The following LTBP1 variants were observed in gnomAD, a reference collection of about 807,000 sequenced individuals.
The protein encoded by LTBP1 is latent transforming growth factor beta binding protein 1.
A neutral mutation model predicts 207.6 loss-of-function variants in LTBP1; 129 were observed. That is an observed-to-expected ratio of 0.62 (90% confidence interval 0.54 to 0.72). The LOEUF is 0.72. LTBP1 is among the 30% of genes least tolerant of loss of function. The pLI is 0.00. For missense variants in LTBP1, 2,281 were observed against 2,217.2 expected (o/e 1.03, Z -0.58); for synonymous variants, 963 against 833.7 (o/e 1.16, Z -2.67).
intron 3 of LTBP1, among the ~76,000 whole-genome samples, chr2:33,053,217 T>C (rs902422812): frequency 6.6e-6 from 1 of 152,096 alleles, no homozygotes; most frequent in Non-Finnish European, 1.5e-5. Context: ...ACAGCAAAAT[T>C]GGAGAGGAAG....
intron 5 of LTBP1, among the ~76,000 whole-genome samples, chr2:33,154,860 C>T (rs958677078): frequency 3.3e-5 from 5 of 151,984 alleles, no homozygotes; most frequent in African/African-American, 7.3e-5. Flanking sequence ...GTCAAGAGTT[C>T]GAAACTAGCC....
chr2:33,250,029 C>G (rs963855373), intron 10 of LTBP1, among the ~76,000 whole-genome samples: 2 of 152,260 alleles, frequency 1.3e-5, no homozygotes, highest in East Asian at 1.9e-4. Context: ...ATCTTCCAGT[C>G]TGAGGTTAAA....
At chr2:33,294,884 T>A (rs2093845519) in intron 20 of LTBP1, among the ~76,000 whole-genome samples, 1 of 151,972 alleles carries the variant, frequency 6.6e-6, no homozygotes, top group South Asian at 2.1e-4. Context: ...GCAAAAATGT[T>A]CTGAATTTTT....
At chr2:33,203,926 T>A (rs970560172) in intron 7 of LTBP1, among the ~76,000 whole-genome samples, 1 of 152,162 alleles carries the variant, frequency 6.6e-6, no homozygotes, top group African/African-American at 2.4e-5. Flanking sequence ...TGATGGTTGA[T>A]TTTGGCTCTA....
chr2:33,348,638 A>G (rs977501772), intron 26 of LTBP1, among the ~76,000 whole-genome samples: 4 of 152,226 alleles, frequency 2.6e-5, no homozygotes, highest in African/African-American at 9.6e-5. Context: ...TCCATAGGGT[A>G]GCACCTCACC....
chr2:32,969,349 T>TGG (rs1680512093), intron 2 of LTBP1, among the ~76,000 whole-genome samples: 1 of 150,850 alleles, frequency 6.6e-6, no homozygotes, highest in African/African-American at 2.4e-5. Flanking sequence ...TGTGTTGTGG[T>TGG]TTGATGTGCC....
At chr2:33,169,245 C>T (rs1572952077) in intron 5 of LTBP1, among the ~76,000 whole-genome samples, 1 of 152,176 alleles carries the variant, frequency 6.6e-6, no homozygotes, top group Non-Finnish European at 1.5e-5. Flanking sequence ...TCTCCATGCC[C>T]TTCTTTAGCT....
intron 3 of LTBP1, among the ~76,000 whole-genome samples, chr2:33,034,043 A>T (rs1023328375): frequency 6.6e-6 from 1 of 152,070 alleles, no homozygotes; most frequent in African/African-American, 2.4e-5. Context: ...TGCATCATTC[A>T]CCGTCCTAAT....
intron 4 of LTBP1, among the ~76,000 whole-genome samples, chr2:33,121,159 C>CTTTTTTTATTTTTTTTTT (rs2081085795): frequency 1.1e-5 from 1 of 87,536 alleles, no homozygotes; most frequent in Non-Finnish European, 2.0e-5. Flanking sequence ...TTTGTAAAGT[C>CTTTTTTTATTTTTTTTTT]TTTTTTTTTT....
chr2:33,070,144 T>C (rs2077718043), intron 3 of LTBP1, among the ~76,000 whole-genome samples: 1 of 152,216 alleles, frequency 6.6e-6, no homozygotes, highest in Non-Finnish European at 1.5e-5. Flanking sequence ...AACACACTTT[T>C]TGGAGAGGTG....
intron 7 of LTBP1, among the ~76,000 whole-genome samples, chr2:33,191,065 T>C (rs2087813046): frequency 6.6e-6 from 1 of 152,210 alleles, no homozygotes; most frequent in Non-Finnish European, 1.5e-5. Context: ...CATTGTTTAT[T>C]CATTCCAGCT....
chr2:33,114,952 A>G (rs2080644020), intron 4 of LTBP1, among the ~76,000 whole-genome samples: 1 of 152,074 alleles, frequency 6.6e-6, no homozygotes, highest in African/African-American at 2.4e-5. Context: ...ATGAATGTTC[A>G]TAGCAACATT....
At chr2:33,168,068 CTG>C (rs1455666038) in intron 5 of LTBP1, among the ~76,000 whole-genome samples, 2 of 152,146 alleles carry the variant, frequency 1.3e-5, no homozygotes, top group Non-Finnish European at 2.9e-5. Context: ...TCCTATCACT[CTG>C]TGCATAGTTG....
In LTBP1 at chr2:33,389,188, C is replaced by G; in HGVS notation, c.4716C>G (p.Asp1572Glu). ...TGCTGCTTGTCTACTCCTTAGATGA[C>G]TATGCTCAGCTGTGTAACATCCCCG... ...CALCPLKDSD[D>E]YAQLCNIPVT... The change falls in exon 32 of 34, where the codon GAC becomes GAG. Residue 1572 changes from aspartate to glutamate, a missense_variant. By Grantham distance (45) the Asp-to-Glu change is conservative. Around this residue, in one of 3 missense-constraint regions of LTBP1, gnomAD observed 1,671 missense variants for 1,634.8 expected, o/e 1.02. Coordinates refer to ENST00000404816, the MANE Select transcript of LTBP1 (RefSeq NM_206943.4). 6.2e-7 allele frequency: 1 copy of G among 1,614,132 alleles called. No homozygotes were observed. Among genetic ancestry groups the G allele is most frequent in the African/African-American group, 1.3e-5 (1 of 75,034 alleles).
chr2:33,091,892 A>G (rs1417409062), intron 3 of LTBP1, among the ~76,000 whole-genome samples: 1 of 151,964 alleles, frequency 6.6e-6, no homozygotes, highest in Non-Finnish European at 1.5e-5. Flanking sequence ...TTTCATTCTG[A>G]TGTTCCCTGA....
intron 9 of LTBP1, among the ~76,000 whole-genome samples, chr2:33,241,915 A>G (rs1328867940): frequency 6.6e-6 from 1 of 152,222 alleles, no homozygotes; most frequent in African/African-American, 2.4e-5. Context: ...ATTACAGAAC[A>G]ACACACACTT....
chr2:33,171,820 T>C (rs2085485003), intron 5 of LTBP1, among the ~76,000 whole-genome samples: 1 of 152,110 alleles, frequency 6.6e-6, no homozygotes, highest in Non-Finnish European at 1.5e-5. Flanking sequence ...CGGCAGAAAC[T>C]CTACAAGCCA....
rs568594535 is a variant in LTBP1 at position 33,240,841 on chromosome 2, G to A, written c.1877-2821G>A. ...AACTTTTTGTATTTTTAGTAGAGAC[G>A]GGGTTTCACTGTGTTAGCCAGGATG... is the stretch of plus-strand genomic sequence containing the variant. On this transcript the variant is annotated intron_variant, in intron 9 of 33. Coordinates refer to ENST00000404816, the MANE Select transcript of LTBP1 (RefSeq NM_206943.4). 1.1e-4 allele frequency among the ~76,000 whole-genome samples: 17 copies of A among 151,834 alleles called. No homozygotes were observed. The South Asian group carries it at 2.5e-3, about 22-fold the overall frequency.
At chr2:32,953,490 A>G (rs1288609494) in intron 2 of LTBP1, among the ~76,000 whole-genome samples, 2 of 152,208 alleles carry the variant, frequency 1.3e-5, no homozygotes, top group Non-Finnish European at 2.9e-5. Context: ...TTGTCATGTG[A>G]CACAGACAAC....
Sources: allele counts gnomAD v4.1 joint callset (sites outside exome capture counted in the v4.1 genomes callset), GRCh38; gene constraint gnomAD v4.1.1; regional missense constraint gnomAD v4.1.1; transcripts MANE v1.5; gene names NCBI Gene and HGNC (gene_info 2026-07-23, HGNC 2026-07-21).